Variants in STAG1 observed in about 807,000 individuals in gnomAD.
STAG1 encodes the protein cohesin subunit SA-1.
Under a neutral mutation model 170.9 loss-of-function variants are expected in STAG1, and 26 were observed. That is an observed-to-expected ratio of 0.15 (90% CI 0.11 to 0.21). The LOEUF is 0.21. Among genes scored for constraint, STAG1 ranks in the 10% least tolerant of loss-of-function variants. The pLI is 1.00. For synonymous variants in STAG1, 514 were observed against 497.7 expected (o/e 1.03, Z -0.44); for missense variants, 964 against 1,509.5 (o/e 0.64, Z 5.99).
rs114462013 is a variant in STAG1, at chr3:136,730,045, C to T, written c.-84+22150G>A. 9.5e-3 allele frequency among the ~76,000 whole-genome samples: 1,448 copies of T among 151,948 alleles called. 5 individuals carry two copies. The highest frequency in any genetic ancestry group is 0.016 in the Non-Finnish European group (1,073 of 67,950). The stretch of plus-strand genomic sequence containing the variant: ...CTGGGACTACAGACACGTGCCACTA[C>T]GCCCGGCTAATTGTGGTTAAGAGAC... On this transcript the variant is annotated intron_variant, in intron 1 of 33. Coordinates refer to ENST00000383202, the MANE Select transcript of STAG1 (RefSeq NM_005862.3).
rs976981410 is a variant in STAG1 at position 136,336,646 on chromosome 3, T to TAA, written c.*1606_*1607dup. The TAA allele has an allele frequency of 3.3e-5, 5 of 152,326 alleles. No homozygotes were observed. The highest frequency in any genetic ancestry group is 4.1e-4 in the South Asian group (2 of 4,830). 9.4% of individuals were successfully genotyped at this position (152,326 alleles called of 1,614,324 possible). ...GGAGAAAGTGAGGCCCCAGCTCCCC[T>TAA]AACTGGAGCCCAAGAATTGCTGAAT... On this transcript the variant is annotated 3_prime_UTR_variant, in exon 34 of 34. Coordinates refer to ENST00000383202, the MANE Select transcript of STAG1 (RefSeq NM_005862.3).
intron 9 of STAG1, among the ~76,000 whole-genome samples, chr3:136,484,890 A>AT (rs2089974068): frequency 6.6e-6 from 1 of 151,428 alleles, no homozygotes; most frequent in Non-Finnish European, 1.5e-5. Context: ...GAACTCCCTG[A>AT]CCCTTGCGCT....
chr3:136,751,810 G>T (rs1256280880), intron 1 of STAG1, among the ~76,000 whole-genome samples: 4 of 55,648 alleles, frequency 7.2e-5, no homozygotes, highest in East Asian at 2.9e-4. Context: ...AGCCCGGGCG[G>T]GGGGGGGCGG....
chr3:136,611,986 T>G (rs1433325255), intron 3 of STAG1, among the ~76,000 whole-genome samples: 2 of 152,040 alleles, frequency 1.3e-5, no homozygotes, highest in African/African-American at 2.4e-5. Flanking sequence ...TAGCTGGGAC[T>G]ACAGGTGCCC....
chr3:136,586,168 G>A (rs1427756803), intron 4 of STAG1, among the ~76,000 whole-genome samples: 1 of 151,982 alleles, frequency 6.6e-6, no homozygotes, highest in Non-Finnish European at 1.5e-5. Flanking sequence ...TATAAATGAA[G>A]TATGTAAATA....
chr3:136,519,596 T>C (rs1934567001), intron 7 of STAG1, among the ~76,000 whole-genome samples: 1 of 151,580 alleles, frequency 6.6e-6, no homozygotes, highest in South Asian at 2.1e-4. Flanking sequence ...TGGGCATTAC[T>C]GTACACAGAA....
intron 1 of STAG1, among the ~76,000 whole-genome samples, chr3:136,728,393 G>C (rs1014366373): frequency 6.6e-6 from 1 of 152,104 alleles, no homozygotes; most frequent in Non-Finnish European, 1.5e-5. Context: ...TGATAAAGAA[G>C]TATAAAGGGA....
At chr3:136,507,782 T>TA (rs1035918553) in intron 7 of STAG1, among the ~76,000 whole-genome samples, 5 of 152,262 alleles carry the variant, frequency 3.3e-5, no homozygotes, top group South Asian at 2.1e-4. Flanking sequence ...GTGAATACAT[T>TA]AAAAAAACCT....
intron 12 of STAG1, among the ~76,000 whole-genome samples, chr3:136,466,072 T>A (rs1167450668): frequency 6.6e-6 from 1 of 152,110 alleles, no homozygotes; most frequent in Non-Finnish European, 1.5e-5. Flanking sequence ...GCAGAAAAGC[T>A]GAAAATTCTA....
At chr3:136,387,328 T>C (rs543742864) in intron 22 of STAG1, among the ~76,000 whole-genome samples, 1 of 152,334 alleles carries the variant, frequency 6.6e-6, no homozygotes, top group African/African-American at 2.4e-5. Flanking sequence ...ATTTGGCCCA[T>C]GGTCTGAAGT....
chr3:136,678,278 A>G (rs1438515772), intron 1 of STAG1, among the ~76,000 whole-genome samples: 2 of 151,866 alleles, frequency 1.3e-5, no homozygotes, highest in East Asian at 3.9e-4. Flanking sequence ...ATAACAGTGC[A>G]TATTAGACTG....
chr3:136,341,563 T>C lies in STAG1; in HGVS notation c.3447-12A>G. 6.5e-7 allele frequency: 1 copy of C among 1,544,794 alleles called. No homozygotes were observed. Among genetic ancestry groups the C allele is most frequent in the South Asian group, 1.1e-5 (1 of 89,122 alleles). On this transcript the variant is annotated splice_polypyrimidine_tract_variant and intron_variant, in intron 30 of 33. Transcript: ENST00000383202. ...TCTGCATCTGAGGACTAAGAGAGGGTACTATTATTAATTTTGTAGCAGCAG... is the reference window on the plus strand; with the variant it reads ...TCTGCATCTGAGGACTAAGAGAGGGCACTATTATTAATTTTGTAGCAGCAG...
intron 1 of STAG1, among the ~76,000 whole-genome samples, chr3:136,689,285 G>T (rs1404457507): frequency 6.6e-6 from 1 of 152,154 alleles, no homozygotes; most frequent in Non-Finnish European, 1.5e-5. Flanking sequence ...ACCTAGAATG[G>T]CTTATTACAT....
At chr3:136,459,310 T>C (rs2089210514) in intron 13 of STAG1, among the ~76,000 whole-genome samples, 1 of 151,312 alleles carries the variant, frequency 6.6e-6, no homozygotes, top group Non-Finnish European at 1.5e-5. Flanking sequence ...GACAAGAGGA[T>C]ATAACAATTA....
chr3:136,608,013 T>G (rs951366670), intron 3 of STAG1, among the ~76,000 whole-genome samples: 5 of 152,154 alleles, frequency 3.3e-5, no homozygotes, highest in Admixed American at 1.3e-4. Context: ...TCCCAGCACC[T>G]TGGGAGGCCA....
At chr3:136,710,838 T>G (rs998825922) in intron 1 of STAG1, among the ~76,000 whole-genome samples, 28 of 152,054 alleles carry the variant, frequency 1.8e-4, no homozygotes, top group Non-Finnish European at 1.8e-4. Flanking sequence ...TATTTCAATA[T>G]ATGATACTTT....
intron 1 of STAG1, among the ~76,000 whole-genome samples, chr3:136,716,934 T>C (rs965153534): frequency 6.6e-6 from 1 of 152,258 alleles, no homozygotes; most frequent in African/African-American, 2.4e-5. Context: ...ACATATCTTC[T>C]GTAAATTACT....
intron 4 of STAG1, among the ~76,000 whole-genome samples, chr3:136,585,068 G>T (rs1937740928): frequency 6.6e-6 from 1 of 152,092 alleles, no homozygotes; most frequent in African/African-American, 2.4e-5. Context: ...ATATGAACTG[G>T]AACAGCTATA....
intron 5 of STAG1, among the ~76,000 whole-genome samples, chr3:136,545,234 T>A (rs1003239365): frequency 2.0e-5 from 3 of 151,948 alleles, no homozygotes; most frequent in African/African-American, 4.8e-5. Flanking sequence ...AAAAACACAA[T>A]AAGTTTTGTA....
Sources: allele counts gnomAD v4.1 joint callset (sites outside exome capture counted in the v4.1 genomes callset), GRCh38; gene constraint gnomAD v4.1.1; transcripts MANE v1.5; gene names NCBI Gene and HGNC (gene_info 2026-07-23, HGNC 2026-07-21).